Variants in ENTREP2 observed in about 807,000 individuals in gnomAD.
ENTREP2 encodes protein ENTREP2.
chr15:29,398,719 G>A, the ENTREP2 span, among the ~76,000 whole-genome samples: 1 of 152,108 alleles, frequency 6.6e-6, no homozygotes, highest in African/African-American at 2.4e-5. Context: ...GCGAGACTCC[G>A]TCTCAAAAAT....
At chr15:29,186,758 T>G in the ENTREP2 span, among the ~76,000 whole-genome samples, 2,254 of 152,294 alleles carry the variant, frequency 0.015, 64 homozygotes, top group African/African-American at 0.051. Context: ...GAAGGCCTCA[T>G]AAAGCTGAGT....
chr15:29,536,331 T>C, the ENTREP2 span, among the ~76,000 whole-genome samples: 30 of 152,248 alleles, frequency 2.0e-4, no homozygotes, highest in African/African-American at 7.2e-4. Flanking sequence ...TAAGATACTC[T>C]TACCAGCAGA....
At chr15:29,346,269 T>C in the ENTREP2 span, among the ~76,000 whole-genome samples, 19 of 152,128 alleles carry the variant, frequency 1.2e-4, no homozygotes, top group African/African-American at 4.1e-4. Context: ...CACCAATTAC[T>C]GGGGACATGC....
At chr15:29,269,706 G>T in the ENTREP2 span, 6 of 1,526,592 alleles carry the variant, frequency 3.9e-6, no homozygotes, top group Non-Finnish European at 5.2e-6. Context: ...TTTGCAACAT[G>T]TCTCCGGCGG....
chr15:29,395,088 C>A, the ENTREP2 span, among the ~76,000 whole-genome samples: 2 of 150,910 alleles, frequency 1.3e-5, no homozygotes, highest in Non-Finnish European at 3.0e-5. Flanking sequence ...CGGGGTTTCA[C>A]CATGTTAGCC....
At chr15:29,286,884 C>G in the ENTREP2 span, among the ~76,000 whole-genome samples, 1 of 152,230 alleles carries the variant, frequency 6.6e-6, no homozygotes, top group Non-Finnish European at 1.5e-5. Flanking sequence ...CTACCAGGAA[C>G]TCCCTGGCAC....
At chr15:29,494,744 A>G in the ENTREP2 span, among the ~76,000 whole-genome samples, 13 of 152,316 alleles carry the variant, frequency 8.5e-5, no homozygotes, top group African/African-American at 2.2e-4. Flanking sequence ...CATATAAGTG[A>G]GACCATGTGG....
chr15:29,442,836 A>C, the ENTREP2 span, among the ~76,000 whole-genome samples: 1 of 152,206 alleles, frequency 6.6e-6, no homozygotes, highest in Non-Finnish European at 1.5e-5. Flanking sequence ...CTCACTATCC[A>C]TACTTTACCC....
the ENTREP2 span, among the ~76,000 whole-genome samples, chr15:29,230,049 C>T: frequency 6.6e-6 from 1 of 152,156 alleles, no homozygotes; most frequent in African/African-American, 2.4e-5. Context: ...TTCATTATCA[C>T]CCTGTCAAGA....
the ENTREP2 span, among the ~76,000 whole-genome samples, chr15:29,347,671 A>G: frequency 6.6e-6 from 1 of 152,198 alleles, no homozygotes; most frequent in African/African-American, 2.4e-5. Context: ...AAGTGCTAGG[A>G]AACGATGGAC....
At chr15:29,495,582 T>G in the ENTREP2 span, among the ~76,000 whole-genome samples, 1 of 152,120 alleles carries the variant, frequency 6.6e-6, no homozygotes, top group African/African-American at 2.4e-5. Context: ...GTCAGATAAC[T>G]CTCCAATTTT....
chr15:29,636,527 CTGAAATTG>C, the ENTREP2 span, among the ~76,000 whole-genome samples: 4 of 152,212 alleles, frequency 2.6e-5, no homozygotes, highest in Non-Finnish European at 5.9e-5. Context: ...CTACAAGCCA[CTGAAATTG>C]TGAAGTTGTC....
chr15:29,420,856 TG>T, the ENTREP2 span, among the ~76,000 whole-genome samples: 1 of 152,200 alleles, frequency 6.6e-6, no homozygotes, highest in Non-Finnish European at 1.5e-5. Context: ...CAGACCACAA[TG>T]CAGCAACATG....
At chr15:29,123,544 G>A in the ENTREP2 span, 1 of 1,551,796 alleles carries the variant, frequency 6.4e-7, no homozygotes, top group Non-Finnish European at 8.7e-7. Context: ...CTCTTTGGAG[G>A]TCGCTGGGAA....
chr15:29,174,710 C>CA, the ENTREP2 span, among the ~76,000 whole-genome samples: 442 of 135,936 alleles, frequency 3.3e-3, 9 homozygotes, highest in African/African-American at 7.3e-3. Flanking sequence ...AACAAAACAA[C>CA]AAAAAAAAAA....
chr15:29,657,215 C>CTTTT, the ENTREP2 span, among the ~76,000 whole-genome samples: 2 of 146,568 alleles, frequency 1.4e-5, no homozygotes, highest in African/African-American at 5.0e-5. Context: ...GCCGCGCCAG[C>CTTTT]TTTTTTTTTT....
At chr15:29,276,313 T>C in the ENTREP2 span, among the ~76,000 whole-genome samples, 1 of 152,202 alleles carries the variant, frequency 6.6e-6, no homozygotes, top group Non-Finnish European at 1.5e-5. Context: ...GCCTATTAAG[T>C]TATAAAATTA....
At chr15:29,277,924 T>C in the ENTREP2 span, among the ~76,000 whole-genome samples, 1 of 152,022 alleles carries the variant, frequency 6.6e-6, no homozygotes, top group Admixed American at 6.5e-5. Flanking sequence ...GAATAGGTTA[T>C]GAGAAAACTG....
chr15:29,554,380 A>AAGGG, the ENTREP2 span, among the ~76,000 whole-genome samples: 1 of 146,050 alleles, frequency 6.8e-6, no homozygotes. Flanking sequence ...TGGAGGGAGG[A>AAGGG]AGGGAGGGAG....
Sources: allele counts gnomAD v4.1 joint callset (sites outside exome capture counted in the v4.1 genomes callset), GRCh38; gene constraint gnomAD v4.1.1; transcripts MANE v1.5; gene names NCBI Gene and HGNC (gene_info 2026-07-23, HGNC 2026-07-21).